Variants in EDA observed in about 807,000 individuals in gnomAD.
The protein encoded by EDA is ectodysplasin A, also known as ectodysplasin-A.
EDA carries 2 observed loss-of-function variants against 23.6 expected under a neutral mutation model. The observed-to-expected ratio is 0.08, with a 90% CI of 0.03 to 0.27. The LOEUF (loss-of-function observed/expected upper bound fraction) is 0.27, where lower values mean the gene tolerates loss of function less well. Ranked by LOEUF, EDA falls within the 10% of genes least tolerant of loss-of-function variation. The pLI is 1.00. For missense variants in EDA, 229 were observed against 324.2 expected, an observed-to-expected ratio of 0.71 and a Z score of 2.26; for synonymous variants, 131 against 132.0, an observed-to-expected ratio of 0.99 and a Z score of 0.05.
At chrX:69,800,047 G>A (rs1490842415) in intron 1 of EDA, among the ~76,000 whole-genome samples, 1 of 111,484 alleles carries the variant, frequency 9.0e-6, no homozygotes, top group Non-Finnish European at 1.9e-5. Flanking sequence ...GAAAATAATG[G>A]AGTTATTCCT....
intron 6 of EDA, among the ~76,000 whole-genome samples, chrX:70,032,917 G>T (rs772858403): frequency 4.4e-5 from 5 of 112,435 alleles, no homozygotes; most frequent in African/African-American, 1.6e-4. Context: ...TGGAAGAACC[G>T]TAAAAAAGAA....
intron 2 of EDA, among the ~76,000 whole-genome samples, chrX:69,976,272 G>A (rs766708398): frequency 3.0e-4 from 34 of 111,696 alleles, no homozygotes; most frequent in African/African-American, 1.1e-3. Context: ...GTATTAGAAT[G>A]TGAACATCAA....
In EDA at chrX:70,020,538, G is replaced by A. The variant is rs780906873; in HGVS notation, c.503-2680G>A. Reference sequence around the variant, plus strand: ...CGCACCACTACACTCCAGCCTGCGCGACAGAGCGAGACTCCGTCTCAAAAA... The same window carrying A: ...CGCACCACTACACTCCAGCCTGCGCAACAGAGCGAGACTCCGTCTCAAAAA... On this transcript the variant is annotated intron_variant, in intron 2 of 7. Coordinates refer to ENST00000374552, the MANE Select transcript of EDA (RefSeq NM_001399.5). Among the ~76,000 whole-genome samples the A allele has an allele frequency of 1.1e-3, 108 of 101,833 alleles. 2 individuals are homozygous for A. The South Asian group carries it at 0.043, about 41-fold the overall frequency. The allele number at this position is 101,833 out of a possible 115,157, so 88.4% of individuals were successfully genotyped here. A position where few individuals can be genotyped will look rare whatever the true frequency, so the allele number is the denominator to read the frequency against.
At chrX:69,788,239 T>G (rs377647776) in intron 1 of EDA, among the ~76,000 whole-genome samples, 1 of 112,286 alleles carries the variant, frequency 8.9e-6, no homozygotes, top group Non-Finnish European at 1.9e-5. Context: ...TGGTTTGAAT[T>G]TCCTCCCGTA....
chrX:69,631,123 G>A (rs1209556730), intron 1 of EDA, among the ~76,000 whole-genome samples: 1 of 111,175 alleles, frequency 9.0e-6, no homozygotes, highest in Non-Finnish European at 1.9e-5. Context: ...GCTCACACCT[G>A]TAATCCCAGC....
intron 1 of EDA, among the ~76,000 whole-genome samples, chrX:69,649,399 G>T (rs1933029434): frequency 9.0e-6 from 1 of 111,731 alleles, no homozygotes. Context: ...CAGTGCAATT[G>T]TGGTGACTAT....
intron 2 of EDA, among the ~76,000 whole-genome samples, chrX:70,016,412 TA>T (rs200203818): frequency 9.2e-6 from 1 of 108,137 alleles, no homozygotes; most frequent in Admixed American, 9.9e-5. Context: ...CTCTACCAAT[TA>T]AAAAAAAACC....
At chrX:70,026,086 A>G (rs147708308) in intron 3 of EDA, among the ~76,000 whole-genome samples, 36 of 112,427 alleles carry the variant, frequency 3.2e-4, no homozygotes, top group African/African-American at 1.1e-3. Context: ...CAGAGTCAGT[A>G]AGAAGGTTTT....
At chrX:69,944,441 G>A (rs2018806040) in intron 1 of EDA, among the ~76,000 whole-genome samples, 1 of 111,773 alleles carries the variant, frequency 8.9e-6, no homozygotes, top group African/African-American at 3.3e-5. Flanking sequence ...GTTCCCTTCT[G>A]ACCCAGGATG....
At chrX:69,876,597 C>T (rs1474101446) in intron 1 of EDA, among the ~76,000 whole-genome samples, 2 of 111,494 alleles carry the variant, frequency 1.8e-5, no homozygotes, top group Non-Finnish European at 3.8e-5. Flanking sequence ...ATAGTCAACC[C>T]TTACCCCTGC....
chrX:69,767,632 G>A (rs767746604), intron 1 of EDA, among the ~76,000 whole-genome samples: 2 of 111,751 alleles, frequency 1.8e-5, no homozygotes, highest in Non-Finnish European at 3.8e-5. Flanking sequence ...ATAAACATGT[G>A]ACTTGTTTCC....
intron 1 of EDA, among the ~76,000 whole-genome samples, chrX:69,814,747 C>A (rs772795414): frequency 8.9e-6 from 1 of 111,857 alleles, no homozygotes; most frequent in Non-Finnish European, 1.9e-5. Flanking sequence ...AGCACAGAAC[C>A]AAAGGAACCC....
At chrX:69,982,639 A>C (rs2019428600) in intron 2 of EDA, among the ~76,000 whole-genome samples, 1 of 111,243 alleles carries the variant, frequency 9.0e-6, no homozygotes, top group Non-Finnish European at 1.9e-5. Context: ...AATAAAACAG[A>C]GTTCTTTTAC....
intron 1 of EDA, among the ~76,000 whole-genome samples, chrX:69,920,767 G>A (rs1333520422): frequency 3.6e-5 from 4 of 111,536 alleles, no homozygotes; most frequent in African/African-American, 6.5e-5. Flanking sequence ...TGGCCAAGTA[G>A]TGTTTGTCAG....
chrX:70,017,858 G>A (rs934159879), intron 2 of EDA, among the ~76,000 whole-genome samples: 1 of 111,410 alleles, frequency 9.0e-6, no homozygotes, highest in Admixed American at 9.6e-5. Context: ...CACAGCAATC[G>A]AGCAAGAGAA....
intron 2 of EDA, among the ~76,000 whole-genome samples, chrX:70,010,915 C>T (rs757639198): frequency 5.8e-4 from 65 of 111,905 alleles, no homozygotes; most frequent in African/African-American, 2.1e-3. Context: ...ACTCAGTTAT[C>T]TCTACCGGGT....
At chrX:69,816,298 A>T (rs1407522768) in intron 1 of EDA, among the ~76,000 whole-genome samples, 3 of 111,373 alleles carry the variant, frequency 2.7e-5, no homozygotes, top group African/African-American at 9.8e-5. Context: ...TCTCCAAATG[A>T]CTCCAACACC....
intron 1 of EDA, among the ~76,000 whole-genome samples, chrX:69,748,791 T>C (rs2013707042): frequency 9.0e-6 from 1 of 111,538 alleles, no homozygotes; most frequent in Non-Finnish European, 1.9e-5. Flanking sequence ...GCCTCCCTCA[T>C]AAGGTTGTTT....
chrX:69,634,648 G>T (rs1932726627), intron 1 of EDA, among the ~76,000 whole-genome samples: 1 of 108,730 alleles, frequency 9.2e-6, no homozygotes, highest in African/African-American at 3.3e-5. Context: ...CTCCTCTTTT[G>T]GTTTCCATGG....
Sources: gnomAD v4.1 joint callset for allele counts (sites outside exome capture counted in the v4.1 genomes callset) on GRCh38, gnomAD v4.1.1 for gene constraint, MANE v1.5 for transcripts, NCBI Gene and HGNC (gene_info 2026-07-23, HGNC 2026-07-21) for gene names.